The following NRG3 variants were observed in gnomAD, a reference collection of about 807,000 sequenced individuals.
NRG3 encodes the protein neuregulin 3.
Under a neutral mutation model 66.9 loss-of-function variants are expected in NRG3, and 31 were observed. That is an observed-to-expected ratio of 0.46 (90% CI 0.35 to 0.63). NRG3 has a LOEUF of 0.63. NRG3 is among the 20% of genes least tolerant of loss of function. The probability of loss-of-function intolerance (pLI) is 0.00; values close to 1 mark genes in which losing one functional copy is unlikely to be tolerated. For synonymous variants in NRG3, 393 were observed against 359.4 expected (o/e 1.09, Z -1.06); for missense variants, 910 against 878.9 (o/e 1.04, Z -0.45).
At chr10:82,543,802 G>T (rs1339793) in intron 2 of NRG3, among the ~76,000 whole-genome samples, 1 of 152,222 alleles carries the variant, frequency 6.6e-6, no homozygotes, top group South Asian at 2.1e-4. Context: ...TCAGAATTCA[G>T]TGCCTTCTGC....
chr10:82,557,744 C>A (rs1468375988), intron 2 of NRG3, among the ~76,000 whole-genome samples: 1 of 152,048 alleles, frequency 6.6e-6, no homozygotes, highest in Non-Finnish European at 1.5e-5. Flanking sequence ...TTACTTTGTG[C>A]CAGACATGTT....
At position 82,510,805 on chromosome 10, in the gene NRG3, A is replaced by G. The variant is rs538500853; in HGVS notation, c.953+151937A>G. Among the ~76,000 whole-genome samples the G allele has an allele frequency of 3.5e-4, 53 of 152,270 alleles. 1 individual carries two copies. Among genetic ancestry groups the G allele is most frequent in the Middle Eastern group, 6.8e-3 (2 of 294 alleles). On this transcript the variant is annotated intron_variant, in intron 2 of 8. Transcript: ENST00000372141. ...GCCAGAGGGCAAGGAAATCCAGGCA[A>G]TGCATCCCATTGAGATCGGCTCCTT...
chr10:82,579,235 A>T (rs916523971), intron 2 of NRG3, among the ~76,000 whole-genome samples: 1 of 150,602 alleles, frequency 6.6e-6, no homozygotes, highest in Non-Finnish European at 1.5e-5. Context: ...ATACTGCAAG[A>T]TTTTTTTTTT....
chr10:82,742,117 C>T (rs936873409), intron 3 of NRG3, among the ~76,000 whole-genome samples: 3 of 152,058 alleles, frequency 2.0e-5, no homozygotes, highest in Non-Finnish European at 4.4e-5. Flanking sequence ...TTCCTTCCTC[C>T]CTCTCTCTCG....
intron 1 of NRG3, among the ~76,000 whole-genome samples, chr10:82,074,455 T>C (rs1417082952): frequency 6.6e-6 from 1 of 152,226 alleles, no homozygotes; most frequent in Non-Finnish European, 1.5e-5. Context: ...ATTTAAAATA[T>C]AATTTTGGTT....
intron 1 of NRG3, among the ~76,000 whole-genome samples, chr10:82,047,377 G>T (rs1380912473): frequency 5.9e-5 from 9 of 152,080 alleles, no homozygotes; most frequent in Non-Finnish European, 1.3e-4. Context: ...ACAAAGGGAA[G>T]CCCATCAGAC....
At chr10:82,394,514 T>G (rs2086593257) in intron 2 of NRG3, among the ~76,000 whole-genome samples, 1 of 152,126 alleles carries the variant, frequency 6.6e-6, no homozygotes, top group Non-Finnish European at 1.5e-5. Context: ...CCATTTCTAC[T>G]CTCTTCTTTG....
chr10:82,884,235 C>T (rs1215233267), intron 4 of NRG3, among the ~76,000 whole-genome samples: 1 of 152,100 alleles, frequency 6.6e-6, no homozygotes, highest in Admixed American at 6.5e-5. Context: ...AAATATCACT[C>T]TTAGTGGACT....
rs576282726 is a variant in NRG3, at chr10:82,310,209, T to C, written c.824-48530T>C. Among the ~76,000 whole-genome samples, 3 of 152,338 alleles carry C rather than the reference T, an allele frequency of 2.0e-5. No homozygotes were observed. In the South Asian group the frequency reaches 6.2e-4, roughly 32 times the overall value. On this transcript the variant is annotated intron_variant, in intron 1 of 8. Coordinates refer to ENST00000372141, the MANE Select transcript of NRG3 (RefSeq NM_001010848.4). ...GCAATATCATTTATCTCCATCATTATTGCAGTTTGTATTTTGCGATTGGAA... is the reference window on the plus strand; with the variant it reads ...GCAATATCATTTATCTCCATCATTACTGCAGTTTGTATTTTGCGATTGGAA...
At chr10:82,217,362 C>T (rs541620649) in intron 1 of NRG3, among the ~76,000 whole-genome samples, 1 of 152,262 alleles carries the variant, frequency 6.6e-6, no homozygotes, top group East Asian at 1.9e-4. Flanking sequence ...GTTCTCCTGA[C>T]CTACAACATT....
chr10:82,567,295 T>A (rs1369127450), intron 2 of NRG3, among the ~76,000 whole-genome samples: 1 of 152,012 alleles, frequency 6.6e-6, no homozygotes, highest in East Asian at 1.9e-4. Context: ...ATGACTGGAC[T>A]ATAGGACAAT....
chr10:82,360,917 G>A (rs1427097217), intron 2 of NRG3, among the ~76,000 whole-genome samples: 2 of 152,092 alleles, frequency 1.3e-5, no homozygotes, highest in African/African-American at 4.8e-5. Flanking sequence ...TTCCTCTGTA[G>A]GTGTGTGTGT....
chr10:82,664,679 A>G (rs2052624488), intron 2 of NRG3, among the ~76,000 whole-genome samples: 1 of 151,902 alleles, frequency 6.6e-6, no homozygotes, highest in African/African-American at 2.4e-5. Flanking sequence ...AATTTGATGG[A>G]ATATGTTTCA....
intron 1 of NRG3, among the ~76,000 whole-genome samples, chr10:82,190,250 G>T (rs1202582884): frequency 6.6e-6 from 1 of 151,768 alleles, no homozygotes; most frequent in Admixed American, 6.6e-5. Flanking sequence ...TGATATTAAT[G>T]ATTATGTTCA....
chr10:82,423,627 T>C (rs370496345), intron 2 of NRG3, among the ~76,000 whole-genome samples: 5 of 151,984 alleles, frequency 3.3e-5, no homozygotes, highest in African/African-American at 7.2e-5. Flanking sequence ...GGTGACACTT[T>C]TAAGTCTATT....
At chr10:82,767,767 C>T (rs2135138251) in intron 3 of NRG3, among the ~76,000 whole-genome samples, 1 of 152,186 alleles carries the variant, frequency 6.6e-6, no homozygotes, top group African/African-American at 2.4e-5. Context: ...CTCCTTTCCT[C>T]AGGAATTTCC....
intron 1 of NRG3, chr10:82,228,850 G>C (rs534363066): frequency 6.6e-6 from 1 of 152,376 alleles, no homozygotes; most frequent in East Asian, 1.9e-4. Context: ...TCTGTGGCAA[G>C]TGCATGCCTG....
At chr10:82,115,414 C>A (rs1452424622) in intron 1 of NRG3, among the ~76,000 whole-genome samples, 1 of 152,106 alleles carries the variant, frequency 6.6e-6, no homozygotes, top group African/African-American at 2.4e-5. Flanking sequence ...TATCAAAAAT[C>A]CCAAGAACTC....
intron 1 of NRG3, among the ~76,000 whole-genome samples, chr10:82,216,452 T>TA (rs1554851831): frequency 2.8e-5 from 4 of 143,416 alleles, no homozygotes; most frequent in African/African-American, 8.2e-5. Context: ...AAAATACATT[T>TA]TATATATATG....
Sources: gnomAD v4.1 joint callset for allele counts (sites outside exome capture counted in the v4.1 genomes callset) on GRCh38, gnomAD v4.1.1 for gene constraint, MANE v1.5 for transcripts, NCBI Gene and HGNC (gene_info 2026-07-23, HGNC 2026-07-21) for gene names.